The following PUS10 variants were observed in gnomAD, a reference collection of about 807,000 sequenced individuals.
The protein encoded by PUS10 is pseudouridine synthase 10.
In PUS10, 59 loss-of-function variants were observed where a neutral mutation model predicts 75.0. The ratio of observed to expected loss-of-function variants is 0.79; its 90% CI spans 0.64 to 0.98. The LOEUF is 0.98. PUS10 is among the 50% of genes least tolerant of loss of function. The pLI is 0.00. For synonymous variants in PUS10, 219 were observed against 211.6 expected (o/e 1.03, Z -0.30); for missense variants, 650 against 614.4 (o/e 1.06, Z -0.61).
At chr2:61,004,681 G>A (rs1438630998) in intron 4 of PUS10, among the ~76,000 whole-genome samples, 4 of 144,120 alleles carry the variant, frequency 2.8e-5, no homozygotes, top group African/African-American at 7.7e-5. Context: ...AGCAAATCAC[G>A]AAGTGAACCA....
At chr2:60,953,205 CA>C in intron 14 of PUS10, 91 bp from the exon 15 acceptor site, 2 of 715,012 alleles carry the variant, frequency 2.8e-6, no homozygotes, top group Non-Finnish European at 4.9e-6. Context: ...AAACAGTTTA[CA>C]TATAATTTCC....
At chr2:60,943,981 A>G (rs1218972869) in intron 17 of PUS10, among the ~76,000 whole-genome samples, 1 of 151,914 alleles carries the variant, frequency 6.6e-6, no homozygotes, top group Non-Finnish European at 1.5e-5. Flanking sequence ...CAACAAAAAA[A>G]CGCCAGGCAT....
At chr2:60,960,216 T>A (rs181912805) in intron 11 of PUS10, among the ~76,000 whole-genome samples, 176 bp downstream of exon 11, 82 of 150,098 alleles carry the variant, frequency 5.5e-4, no homozygotes, top group African/African-American at 2.0e-3. Flanking sequence ...GGGTGGCTCA[T>A]GCCTATAATC....
chr2:61,002,690 G>C (rs1678932776), intron 4 of PUS10, among the ~76,000 whole-genome samples: 1 of 152,104 alleles, frequency 6.6e-6, no homozygotes, highest in Non-Finnish European at 1.5e-5. Flanking sequence ...ACAAATCCGA[G>C]CCTTATAAGA....
intron 4 of PUS10, among the ~76,000 whole-genome samples, chr2:60,989,171 C>A (rs1047967701): frequency 6.6e-6 from 1 of 151,986 alleles, no homozygotes; most frequent in East Asian, 1.9e-4. Context: ...TAAGCAGCAC[C>A]AAGGAATTCT....
intron 1 of PUS10, 29 bp from the exon 2 acceptor site, chr2:61,011,934 G>T: frequency 1.3e-6 from 2 of 1,557,186 alleles, no homozygotes; most frequent in Non-Finnish European, 8.7e-7. Flanking sequence ...AAACTAATGA[G>T]CAGCTTCTGC....
intron 3 of PUS10, 62 bp downstream of exon 3, chr2:61,008,699 C>A: frequency 1.5e-6 from 2 of 1,296,464 alleles, no homozygotes; most frequent in East Asian, 2.4e-5. Flanking sequence ...AAAAAGAATT[C>A]TTGGTTTTAA....
At chr2:60,957,567 A>G (rs4521024) in intron 11 of PUS10, among the ~76,000 whole-genome samples, 8 of 152,376 alleles carry the variant, frequency 5.3e-5, no homozygotes, top group Admixed American at 5.2e-4. Flanking sequence ...GCAGCCCTGC[A>G]ATGGGTCTCA....
intron 5 of PUS10, among the ~76,000 whole-genome samples, chr2:60,970,951 G>A (rs563993844): frequency 1.3e-4 from 20 of 152,124 alleles, no homozygotes; most frequent in African/African-American, 4.6e-4. Context: ...AGGCCGAGGC[G>A]GGTGAATCAC....
chr2:60,994,184 A>G (rs1160614037), intron 4 of PUS10, among the ~76,000 whole-genome samples: 1 of 151,858 alleles, frequency 6.6e-6, no homozygotes, highest in Non-Finnish European at 1.5e-5. Flanking sequence ...CTATTCCTTA[A>G]GAAAGAGGTT....
At chr2:61,013,196 T>C (rs1049878810) in intron 1 of PUS10, among the ~76,000 whole-genome samples, 31 of 150,348 alleles carry the variant, frequency 2.1e-4, no homozygotes, top group African/African-American at 7.1e-4. Context: ...GAGGTTGTAG[T>C]GAATCAAGAT....
intron 3 of PUS10, among the ~76,000 whole-genome samples, chr2:61,007,621 C>T (rs10197306): frequency 0.63 from 94,499 of 151,108 alleles, 31,210 homozygotes; most frequent in African/African-American, 0.85. Flanking sequence ...ATACAAAAAT[C>T]AGCTGGGCGT....
At position 60,948,093 on chromosome 2, in the gene PUS10, C is replaced by CTG. The variant is rs766329209; in HGVS notation, c.1399_1400dup (p.Gln467HisfsTer13). ...GGCGGAAGTGGTGCTCATCCACGTA[C>CTG]TGTGTCTCCATGAAGTGAATGACGC... On this transcript the variant is annotated frameshift_variant, in exon 16 of 18. Transcript: ENST00000316752. LOFTEE classifies it high-confidence loss of function. 1.2e-6 allele frequency: 2 copies of CTG among 1,614,130 alleles called. No individual in the cohort carries two copies. The highest frequency in any genetic ancestry group is 1.7e-6 in the Non-Finnish European group (2 of 1,179,998).
chr2:60,991,595 T>C (rs1337205283), intron 4 of PUS10, among the ~76,000 whole-genome samples: 1 of 152,218 alleles, frequency 6.6e-6, no homozygotes, highest in African/African-American at 2.4e-5. Context: ...TAGCTGGGAC[T>C]ACAGGCATGC....
At chr2:60,947,591 A>G (rs1355201866) in intron 16 of PUS10, among the ~76,000 whole-genome samples, 1 of 152,210 alleles carries the variant, frequency 6.6e-6, no homozygotes, top group Non-Finnish European at 1.5e-5. Flanking sequence ...GCACTTCGGA[A>G]GGCCGAGGTG....
intron 4 of PUS10, among the ~76,000 whole-genome samples, chr2:61,005,662 A>G (rs1002607402): frequency 6.6e-6 from 1 of 152,212 alleles, no homozygotes; most frequent in Admixed American, 6.5e-5. Flanking sequence ...AAGTGTTTAT[A>G]AGCCCAGTTA....
chr2:60,970,084 A>T (rs1413255473), intron 5 of PUS10, among the ~76,000 whole-genome samples: 1 of 146,850 alleles, frequency 6.8e-6, no homozygotes, highest in African/African-American at 2.5e-5. Flanking sequence ...AACTACGTTT[A>T]AAAAAAAAAA....
At chr2:60,978,015 G>A (rs894314997) in intron 4 of PUS10, among the ~76,000 whole-genome samples, 1 of 152,128 alleles carries the variant, frequency 6.6e-6, no homozygotes, top group Non-Finnish European at 1.5e-5. Flanking sequence ...TTAAAATACA[G>A]AGTGGTGGGG....
At chr2:61,006,718 A>C (rs1025143516) in intron 3 of PUS10, 75 bp from the exon 4 acceptor site, 1 of 1,165,874 alleles carries the variant, frequency 8.6e-7, no homozygotes, top group African/African-American at 1.6e-5. Context: ...TAATAACATG[A>C]ATTTCTGGTC....
Sources: allele counts gnomAD v4.1 joint callset (sites outside exome capture counted in the v4.1 genomes callset), GRCh38; gene constraint gnomAD v4.1.1; transcripts MANE v1.5; gene names NCBI Gene and HGNC (gene_info 2026-07-23, HGNC 2026-07-21).